NME7: variants seen among roughly 807,000 people sequenced by gnomAD.
NME7 encodes the protein NME/NM23 family member 7.
A neutral mutation model predicts 49.1 loss-of-function variants in NME7; 41 were observed. That is an observed-to-expected ratio of 0.83 (90% CI 0.65 to 1.08). The LOEUF (loss-of-function observed/expected upper bound fraction) is 1.08, where lower values mean the gene tolerates loss of function less well. Ranked by LOEUF, NME7 falls within the 50% of genes least tolerant of loss-of-function variation. The probability of loss-of-function intolerance (pLI) is 0.00; values close to 1 mark genes in which losing one functional copy is unlikely to be tolerated. For synonymous variants in NME7, 139 were observed against 150.6 expected (o/e 0.92, Z 0.56); for missense variants, 423 against 463.4 (o/e 0.91, Z 0.80).
intron 1 of NME7, among the ~76,000 whole-genome samples, chr1:169,367,264 G>A (rs1213343293): frequency 2.0e-5 from 3 of 152,180 alleles, no homozygotes; most frequent in South Asian, 4.1e-4. Flanking sequence ...CCCTCGTGGG[G>A]GCGTGGGGCA....
chr1:169,293,642 A>G (rs532320538), intron 6 of NME7, among the ~76,000 whole-genome samples: 1 of 152,200 alleles, frequency 6.6e-6, no homozygotes, highest in South Asian at 2.1e-4. Flanking sequence ...TCATCACCAC[A>G]TCTTTTTCTC....
At chr1:169,159,435 T>C (rs1014213393) in intron 11 of NME7, among the ~76,000 whole-genome samples, 19 of 152,106 alleles carry the variant, frequency 1.2e-4, no homozygotes, top group Admixed American at 9.8e-4. Context: ...AAGGTCTCTA[T>C]TTACTAGTGA....
chr1:169,209,821 C>T (rs1232594532), intron 10 of NME7, among the ~76,000 whole-genome samples: 1 of 152,006 alleles, frequency 6.6e-6, no homozygotes, highest in Non-Finnish European at 1.5e-5. Context: ...ATTAGACTTC[C>T]TTGAATTCCT....
intron 11 of NME7, among the ~76,000 whole-genome samples, chr1:169,146,705 T>C (rs1658765146): frequency 6.6e-6 from 1 of 152,222 alleles, no homozygotes; most frequent in Non-Finnish European, 1.5e-5. Context: ...CAGCCATTTG[T>C]CAATAATCAA....
chr1:169,224,997 T>C (rs1048163737), intron 10 of NME7, among the ~76,000 whole-genome samples: 6 of 152,178 alleles, frequency 3.9e-5, no homozygotes, highest in African/African-American at 7.2e-5. Context: ...AAAGTTTCAA[T>C]AGCTGAGGAA....
chr1:169,143,273 C>CTTTTTTTT (rs71299493), intron 11 of NME7, among the ~76,000 whole-genome samples: 11 of 98,194 alleles, frequency 1.1e-4, no homozygotes, highest in Non-Finnish European at 1.7e-4. Context: ...TCACCTCAGG[C>CTTTTTTTT]TTTTTTTTTT....
In NME7 at chr1:169,342,578, A is replaced by ATATATATATACAAGTAGATATATATAG. The variant is rs1557831216; in HGVS notation, c.4-18079_4-18078insCTATATATATCTACTTGTATATATATA. ...ATATATACAAGTACATATATATAGT[A>ATATATATATACAAGTAGATATATATAG]TATATATATATACAAGTACATATAT... is the stretch of plus-strand genomic sequence containing the variant. On this transcript the variant is annotated intron_variant, in intron 1 of 11. Transcript: ENST00000367811. Among the ~76,000 whole-genome samples, 12 of 92,818 alleles carry ATATATATATACAAGTAGATATATATAG rather than the reference A, an allele frequency of 1.3e-4. 4 individuals are homozygous for ATATATATATACAAGTAGATATATATAG. Among genetic ancestry groups the ATATATATATACAAGTAGATATATATAG allele is most frequent in the Non-Finnish European group, 2.6e-4 (12 of 45,612 alleles). 60.9% of individuals were successfully genotyped at this position (92,818 alleles called of 152,430 possible). A position where few individuals can be genotyped will look rare whatever the true frequency, so the allele number is the denominator to read the frequency against.
At chr1:169,268,540 G>A (rs1465508922) in intron 7 of NME7, among the ~76,000 whole-genome samples, 1 of 133,440 alleles carries the variant, frequency 7.5e-6, no homozygotes, top group Non-Finnish European at 1.8e-5. Context: ...TAACCTAAAT[G>A]CCCATCACTG....
chr1:169,186,914 T>C (rs1660081268), intron 10 of NME7, among the ~76,000 whole-genome samples: 1 of 152,220 alleles, frequency 6.6e-6, no homozygotes, highest in Non-Finnish European at 1.5e-5. Flanking sequence ...CTCTAAACAC[T>C]GTTTTAGCTG....
intron 9 of NME7, among the ~76,000 whole-genome samples, chr1:169,234,146 C>T (rs1647758322): frequency 6.6e-6 from 1 of 152,104 alleles, no homozygotes; most frequent in Non-Finnish European, 1.5e-5. Context: ...TTTTAAGTCA[C>T]CCTAGTTTTT....
intron 1 of NME7, among the ~76,000 whole-genome samples, chr1:169,351,686 G>C (rs963199176): frequency 6.6e-6 from 1 of 151,632 alleles, no homozygotes; most frequent in Admixed American, 6.6e-5. Context: ...TTTAGTCAGA[G>C]TAAGAAAAAT....
intron 11 of NME7, among the ~76,000 whole-genome samples, chr1:169,159,992 T>C (rs2101832619): frequency 6.6e-6 from 1 of 152,292 alleles, no homozygotes; most frequent in East Asian, 1.9e-4. Flanking sequence ...GTTCCTAGAC[T>C]TACATATCTC....
At chr1:169,223,310 T>C (rs979075512) in intron 10 of NME7, among the ~76,000 whole-genome samples, 1 of 152,158 alleles carries the variant, frequency 6.6e-6, no homozygotes, top group African/African-American at 2.4e-5. Context: ...ATATTTCTTA[T>C]TGTCTGCCAG....
intron 1 of NME7, among the ~76,000 whole-genome samples, chr1:169,348,926 C>A (rs16862091): frequency 0.023 from 3,505 of 150,932 alleles, 117 homozygotes; most frequent in African/African-American, 0.078. Flanking sequence ...AACATCGTGA[C>A]CCTAAGTAGT....
intron 11 of NME7, among the ~76,000 whole-genome samples, chr1:169,144,751 G>A (rs1658701177): frequency 6.6e-6 from 1 of 152,146 alleles, no homozygotes; most frequent in African/African-American, 2.4e-5. Flanking sequence ...GAAGAAGCCA[G>A]GCACTGTGGC....
At chr1:169,192,070 T>C (rs76146013) in intron 10 of NME7, among the ~76,000 whole-genome samples, 2,213 of 152,290 alleles carry the variant, frequency 0.015, 49 homozygotes, top group African/African-American at 0.048. Flanking sequence ...TTTTCAAGTA[T>C]TGGAGATACC....
intron 6 of NME7, among the ~76,000 whole-genome samples, chr1:169,296,202 A>G (rs983400015): frequency 6.6e-6 from 1 of 152,250 alleles, no homozygotes; most frequent in East Asian, 1.9e-4. Flanking sequence ...CCCGTCCCAC[A>G]ATTTTCTTTT....
intron 7 of NME7, among the ~76,000 whole-genome samples, chr1:169,269,439 G>A (rs3766085): frequency 0.09 from 12,006 of 133,524 alleles, 3,266 homozygotes; most frequent in East Asian, 0.76. Context: ...TTAAATATAC[G>A]ATGTTTAGCT....
intron 11 of NME7, among the ~76,000 whole-genome samples, chr1:169,137,576 A>T (rs908592022): frequency 6.6e-6 from 1 of 152,048 alleles, no homozygotes; most frequent in Non-Finnish European, 1.5e-5. Flanking sequence ...AGGGGTGAGG[A>T]GGGGAGGGCT....
Sources: allele counts gnomAD v4.1 joint callset (sites outside exome capture counted in the v4.1 genomes callset), GRCh38; gene constraint gnomAD v4.1.1; transcripts MANE v1.5; gene names NCBI Gene and HGNC (gene_info 2026-07-23, HGNC 2026-07-21).